Variants in MORC1 observed in about 807,000 individuals in gnomAD.
MORC1 encodes the protein MORC family CW-type zinc finger protein 1.
MORC1 carries 59 observed loss-of-function variants against 134.9 expected under a neutral mutation model. The ratio of observed to expected loss-of-function variants is 0.44; its 90% CI spans 0.35 to 0.54. MORC1 has a LOEUF of 0.54. Ranked by LOEUF, MORC1 falls within the 20% of genes least tolerant of loss-of-function variation. The pLI is 0.00. For synonymous variants in MORC1, 395 were observed against 391.7 expected, an observed-to-expected ratio of 1.01 and a Z score of -0.10; for missense variants, 947 against 1,134.5, an observed-to-expected ratio of 0.83 and a Z score of 2.37.
intron 12 of MORC1, among the ~76,000 whole-genome samples, chr3:109,059,277 G>C (rs1294477918): frequency 6.6e-6 from 1 of 152,114 alleles, no homozygotes; most frequent in East Asian, 1.9e-4. Flanking sequence ...ATTTGAGTTG[G>C]AGAGCAAGTT....
intron 21 of MORC1, among the ~76,000 whole-genome samples, chr3:108,993,347 C>G (rs1948117669): frequency 6.6e-6 from 1 of 152,160 alleles, no homozygotes; most frequent in South Asian, 2.1e-4. Context: ...TATAAGTCAT[C>G]CACAAGGTTT....
rs527436539 is a variant in MORC1 at position 109,118,128 on chromosome 3, C to T, written c.-69G>A. 4 of 1,542,142 alleles carry T rather than the reference C, an allele frequency of 2.6e-6. No homozygotes were observed. Among genetic ancestry groups the T allele is most frequent in the East Asian group, 2.4e-5 (1 of 41,464 alleles). On this transcript the variant is annotated 5_prime_UTR_variant, in exon 1 of 28. Coordinates refer to ENST00000232603, the MANE Select transcript of MORC1 (RefSeq NM_014429.4). ...TGACCGGCAGCCGTTCGCCTGCGCC[C>T]GCGCCCACTCCCACGCCCACGCTCA...
chr3:108,962,908 G>C (rs764494213), intron 27 of MORC1, among the ~76,000 whole-genome samples: 1 of 152,000 alleles, frequency 6.6e-6, no homozygotes, highest in Non-Finnish European at 1.5e-5. Context: ...TTTTATTTAT[G>C]CATTAAAATA....
intron 3 of MORC1, chr3:109,110,417 T>G (rs773267245): frequency 1.3e-5 from 3 of 230,488 alleles, no homozygotes; most frequent in Admixed American, 5.7e-5. Context: ...GGGAATGATG[T>G]ATGCTTAATT....
rs765436530 is a variant in MORC1 at position 108,963,407 on chromosome 3, C to G, written c.2799+7G>C. 2 of 1,605,760 alleles carry G rather than the reference C, an allele frequency of 1.2e-6. No individual in the cohort carries two copies. The highest frequency in any genetic ancestry group is 2.2e-5 in the South Asian group (2 of 88,922). On this transcript the variant is annotated splice_region_variant and intron_variant, in intron 27 of 27. Transcript: ENST00000232603. ...TCCTACTGCTCAAATACAACTTTTT[C>G]ACTCACCAGTTGGAGTTTCTGCAAC...
At chr3:109,077,940 A>G (rs1950453638) in intron 8 of MORC1, among the ~76,000 whole-genome samples, 1 of 152,140 alleles carries the variant, frequency 6.6e-6, no homozygotes, top group Admixed American at 6.6e-5. Context: ...TTAACCAAGA[A>G]AAAGCAAGTC....
At chr3:109,093,676 C>T in intron 7 of MORC1, 135 bp from the exon 8 acceptor site, 1 of 638,864 alleles carries the variant, frequency 1.6e-6, no homozygotes, top group Non-Finnish European at 2.7e-6. Flanking sequence ...GTATGTTTGG[C>T]TAACTCTTTG....
At chr3:108,980,683 C>T (rs1947692872) in intron 23 of MORC1, among the ~76,000 whole-genome samples, 3 of 152,110 alleles carry the variant, frequency 2.0e-5, no homozygotes. Context: ...ACAATATTAC[C>T]AGAAAAAATC....
At chr3:108,991,342 T>A (rs541359680) in intron 21 of MORC1, among the ~76,000 whole-genome samples, 7 of 152,118 alleles carry the variant, frequency 4.6e-5, no homozygotes, top group East Asian at 1.9e-4. Flanking sequence ...ATGGAGGTGG[T>A]AGAATATGTT....
Position 108,997,037 on chromosome 3 carries a change from T to A in MORC1, c.2187+3520A>T, listed in dbSNP as rs569647245. Among the ~76,000 whole-genome samples, 169 of 87,410 alleles carry A rather than the reference T, an allele frequency of 1.9e-3. 2 individuals carry two copies. In the South Asian group the frequency reaches 0.02, roughly 10 times the overall value. 57.3% of individuals were successfully genotyped at this position (87,410 alleles called of 152,430 possible). ...AAAAAAAAAAAAAAAAAAAAAAAAATGCTGTGGAAGCAATACCAACAAAGA... is the reference window on the plus strand; with the variant it reads ...AAAAAAAAAAAAAAAAAAAAAAAAAAGCTGTGGAAGCAATACCAACAAAGA... On this transcript the variant is annotated intron_variant, in intron 21 of 27. Coordinates refer to ENST00000232603, the MANE Select transcript of MORC1 (RefSeq NM_014429.4).
chr3:109,105,718 AAAGT>A (rs1318822769), intron 3 of MORC1, among the ~76,000 whole-genome samples: 1 of 152,184 alleles, frequency 6.6e-6, no homozygotes, highest in Non-Finnish European at 1.5e-5. Context: ...AATATTTTAA[AAAGT>A]AAGTAAGTTT....
At chr3:109,001,540 C>A (rs925507492) in intron 20 of MORC1, among the ~76,000 whole-genome samples, 2 of 152,200 alleles carry the variant, frequency 1.3e-5, no homozygotes, top group African/African-American at 4.8e-5. Flanking sequence ...GGCTTCTCAA[C>A]AGAATTTAGC....
intron 17 of MORC1, among the ~76,000 whole-genome samples, chr3:109,022,985 G>A (rs968858249): frequency 1.3e-5 from 2 of 152,126 alleles, no homozygotes; most frequent in Non-Finnish European, 2.9e-5. Context: ...AAAACCACAT[G>A]GGACAAAGGG....
In MORC1 at chr3:109,042,311, C is replaced by T. The variant is rs538638957; in HGVS notation, c.1331-6843G>A. 1.3e-3 allele frequency among the ~76,000 whole-genome samples: 197 copies of T among 152,198 alleles called. 1 individual carries two copies. The Middle Eastern group carries it at 0.014, about 11-fold the overall frequency. On this transcript the variant is annotated intron_variant, in intron 14 of 27. Coordinates refer to ENST00000232603, the MANE Select transcript of MORC1 (RefSeq NM_014429.4). The stretch of plus-strand genomic sequence containing the variant: ...TTTTCAAAAGAAGACATATAAGTGG[C>T]CAACACGTATATATTTTTTAAATGC...
intron 17 of MORC1, among the ~76,000 whole-genome samples, chr3:109,012,381 TTCC>T (rs1948708316): frequency 6.6e-6 from 1 of 152,224 alleles, no homozygotes; most frequent in Non-Finnish European, 1.5e-5. Context: ...GGTAGTATGA[TTCC>T]TCCATCTTTG....
Position 109,095,074 on chromosome 3 carries a change from T to G in MORC1, c.424-6A>C, listed in dbSNP as rs200439000. ...GAGGGCATTGGAACTACAACCTATT[T>G]AAAAAAAAACACATCAATTTACTAT... On this transcript the variant is annotated splice_region_variant and splice_polypyrimidine_tract_variant and intron_variant, in intron 6 of 27. Coordinates refer to ENST00000232603, the MANE Select transcript of MORC1 (RefSeq NM_014429.4). 5.2e-6 allele frequency: 8 copies of G among 1,547,056 alleles called. No homozygotes were observed. The African/African-American group carries it at 1.1e-4, about 22-fold the overall frequency.
At chr3:109,050,139 C>T (rs1249895406) in intron 14 of MORC1, among the ~76,000 whole-genome samples, 2 of 152,150 alleles carry the variant, frequency 1.3e-5, no homozygotes, top group African/African-American at 2.4e-5. Flanking sequence ...AGGCCTTCCC[C>T]GGCCTACAGA....
chr3:109,095,345 G>A (rs1210141913), intron 6 of MORC1, among the ~76,000 whole-genome samples: 1 of 152,138 alleles, frequency 6.6e-6, no homozygotes, highest in African/African-American at 2.4e-5. Context: ...AACAGAATCA[G>A]CATTTTAAAA....
rs371578133 is a variant in MORC1, at chr3:109,114,507, C to G, written c.66-70G>C. 1.6e-4 allele frequency: 223 copies of G among 1,366,678 alleles called. No homozygotes were observed. In the African/African-American group the frequency reaches 2.9e-3, roughly 18 times the overall value. 84.7% of individuals were successfully genotyped at this position (1,366,678 alleles called of 1,614,324 possible). A position where few individuals can be genotyped will look rare whatever the true frequency, so the allele number is the denominator to read the frequency against. ...TAATCAATGTAAAAGCTTTAAGATTCTTGCAGACAAACGTTCTCCAGTTCC... is the reference window on the plus strand; with the variant it reads ...TAATCAATGTAAAAGCTTTAAGATTGTTGCAGACAAACGTTCTCCAGTTCC... On this transcript the variant is annotated intron_variant, in intron 1 of 27. Coordinates refer to ENST00000232603, the MANE Select transcript of MORC1 (RefSeq NM_014429.4).
Sources: allele counts gnomAD v4.1 joint callset (sites outside exome capture counted in the v4.1 genomes callset), GRCh38; gene constraint gnomAD v4.1.1; transcripts MANE v1.5; gene names NCBI Gene and HGNC (gene_info 2026-07-23, HGNC 2026-07-21).